The following WWOX variants were observed in gnomAD, a reference collection of about 807,000 sequenced individuals.
The protein encoded by WWOX is WW domain containing oxidoreductase, also known as WW domain-containing oxidoreductase.
Under a neutral mutation model 46.2 loss-of-function variants are expected in WWOX, and 69 were observed. The observed-to-expected ratio is 1.49, with a 90% CI of 1.23 to 1.82. The LOEUF is 1.82. Ranked by LOEUF, WWOX falls within the 40% of genes most tolerant of loss-of-function variation. The pLI, the probability that WWOX is intolerant of heterozygous loss-of-function variation, is 0.00. For missense variants in WWOX, 919 were observed against 542.6 expected (o/e 1.69, Z -6.89); for synonymous variants, 359 against 202.6 (o/e 1.77, Z -6.56).
At chr16:78,184,890 C>T (rs993821480) in intron 5 of WWOX, among the ~76,000 whole-genome samples, 12 of 152,190 alleles carry the variant, frequency 7.9e-5, no homozygotes, top group African/African-American at 2.9e-4. Context: ...ACCTCAAAAT[C>T]TCTGGGGCTT....
intron 8 of WWOX, among the ~76,000 whole-genome samples, chr16:79,000,643 G>A (rs36046662): frequency 0.14 from 21,275 of 152,192 alleles, 1,635 homozygotes; most frequent in East Asian, 0.26. Flanking sequence ...AGAAAGGCAC[G>A]AAGCCCTGCT....
At chr16:78,643,978 T>C (rs1158700148) in intron 8 of WWOX, among the ~76,000 whole-genome samples, 1 of 152,146 alleles carries the variant, frequency 6.6e-6, no homozygotes, top group Non-Finnish European at 1.5e-5. Flanking sequence ...ATCCCAGCGC[T>C]TTGGGAGGCC....
chr16:78,765,628 G>A (rs926094786), intron 8 of WWOX, among the ~76,000 whole-genome samples: 13 of 152,052 alleles, frequency 8.5e-5, no homozygotes, highest in African/African-American at 2.4e-4. Flanking sequence ...GCAGTGAGCC[G>A]AGATTGTGCC....
At chr16:79,003,638 C>T (rs1235167452) in intron 8 of WWOX, among the ~76,000 whole-genome samples, 1 of 152,106 alleles carries the variant, frequency 6.6e-6, no homozygotes, top group African/African-American at 2.4e-5. Context: ...ATGTCCAGGG[C>T]TTTGTCAGGT....
intron 5 of WWOX, among the ~76,000 whole-genome samples, chr16:78,234,487 C>T (rs2037372768): frequency 6.6e-6 from 1 of 152,112 alleles, no homozygotes; most frequent in Non-Finnish European, 1.5e-5. Flanking sequence ...GCAGAGCTTA[C>T]AAGTTATTCA....
intron 8 of WWOX, among the ~76,000 whole-genome samples, chr16:78,448,480 A>G (rs904683196): frequency 1.3e-5 from 2 of 152,042 alleles, no homozygotes; most frequent in Non-Finnish European, 2.9e-5. Context: ...GCTGGGGTCA[A>G]CTTCTTACCG....
chr16:78,759,679 A>T (rs1363304069), intron 8 of WWOX, among the ~76,000 whole-genome samples: 1 of 152,218 alleles, frequency 6.6e-6, no homozygotes, highest in Non-Finnish European at 1.5e-5. Flanking sequence ...CTGGAATTTG[A>T]ACATGAGACT....
At chr16:78,995,817 A>G (rs1416223513) in intron 8 of WWOX, among the ~76,000 whole-genome samples, 3 of 152,202 alleles carry the variant, frequency 2.0e-5, no homozygotes, top group Non-Finnish European at 4.4e-5. Context: ...GCAAGTGTAA[A>G]GGAGACCCGA....
chr16:78,870,217 G>A (rs542420558), intron 8 of WWOX, among the ~76,000 whole-genome samples: 1 of 152,326 alleles, frequency 6.6e-6, no homozygotes, highest in African/African-American at 2.4e-5. Flanking sequence ...TCAAGATTCT[G>A]TTGATACACA....
At chr16:78,429,064 T>A (rs148438209) in intron 7 of WWOX, among the ~76,000 whole-genome samples, 2 of 152,224 alleles carry the variant, frequency 1.3e-5, no homozygotes, top group African/African-American at 4.8e-5. Context: ...GACCAAACTG[T>A]AATCATCTAA....
chr16:78,305,580 T>C (rs937821712), intron 5 of WWOX, among the ~76,000 whole-genome samples: 6 of 151,914 alleles, frequency 3.9e-5, no homozygotes, highest in Admixed American at 1.3e-4. Context: ...GTTCCAGTCA[T>C]CTTGAAACTG....
chr16:78,957,677 T>G (rs1219028271), intron 8 of WWOX, among the ~76,000 whole-genome samples: 3 of 152,196 alleles, frequency 2.0e-5, no homozygotes, highest in Non-Finnish European at 2.9e-5. Context: ...AGTCAAGGGA[T>G]TTTCAAGCAG....
At chr16:78,927,548 A>C (rs2045526761) in intron 8 of WWOX, among the ~76,000 whole-genome samples, 1 of 152,186 alleles carries the variant, frequency 6.6e-6, no homozygotes, top group South Asian at 2.1e-4. Flanking sequence ...AATGGATGTT[A>C]GTCATTTGAT....
At chr16:78,415,552 G>C (rs1394028341) in intron 6 of WWOX, among the ~76,000 whole-genome samples, 5 of 152,164 alleles carry the variant, frequency 3.3e-5, no homozygotes, top group African/African-American at 4.8e-5. Context: ...GAATGCTTCT[G>C]ACAAACCTCT....
At chr16:78,817,172 C>CTTTTTTTTTTTTTTTTTTTTTTT (rs33981779) in intron 8 of WWOX, among the ~76,000 whole-genome samples, 3 of 51,596 alleles carry the variant, frequency 5.8e-5, no homozygotes, top group Admixed American at 3.1e-4. Flanking sequence ...TAGTGCTATT[C>CTTTTTTTTTTTTTTTTTTTTTTT]TTTTTTTTTT....
chr16:79,083,329 A>T (rs919798622), intron 8 of WWOX, among the ~76,000 whole-genome samples: 2 of 152,118 alleles, frequency 1.3e-5, no homozygotes, highest in African/African-American at 4.8e-5. Flanking sequence ...ACCCCTTCCT[A>T]TGCCCCAGCA....
intron 8 of WWOX, among the ~76,000 whole-genome samples, chr16:79,161,443 A>G (rs2050484784): frequency 6.6e-6 from 1 of 152,176 alleles, no homozygotes; most frequent in Admixed American, 6.6e-5. Flanking sequence ...CTAAAGAGAG[A>G]GGAGGAGTAG....
chr16:78,807,669 T>C (rs1038941100), intron 8 of WWOX, among the ~76,000 whole-genome samples: 1 of 152,232 alleles, frequency 6.6e-6, no homozygotes, highest in African/African-American at 2.4e-5. Flanking sequence ...GGCGCCAGCC[T>C]GTAATGGGCA....
intron 8 of WWOX, among the ~76,000 whole-genome samples, chr16:78,774,437 G>A (rs2050137938): frequency 6.6e-6 from 1 of 151,988 alleles, no homozygotes; most frequent in African/African-American, 2.4e-5. Flanking sequence ...GATAGGTGTT[G>A]GAATCCACGT....
Sources: allele counts gnomAD v4.1 joint callset (sites outside exome capture counted in the v4.1 genomes callset), GRCh38; gene constraint gnomAD v4.1.1; transcripts MANE v1.5; gene names NCBI Gene and HGNC (gene_info 2026-07-23, HGNC 2026-07-21).